SLC39A4: variants seen among roughly 807,000 people sequenced by gnomAD.
SLC39A4 encodes solute carrier family 39 member 4.
In SLC39A4, 49 loss-of-function variants were observed where a neutral mutation model predicts 56.6. The observed-to-expected ratio is 0.87, with a 90% confidence interval of 0.69 to 1.10. SLC39A4 has a LOEUF of 1.10. Ranked by LOEUF, SLC39A4 falls within the 50% of genes least tolerant of loss-of-function variation. SLC39A4 has a pLI of 0.00. For missense variants in SLC39A4, 993 were observed against 864.2 expected (o/e 1.15, Z -1.87); for synonymous variants, 540 against 420.4 (o/e 1.28, Z -3.48).
In SLC39A4 at chr8:144,413,306, C is replaced by T; in HGVS notation, c.1558G>A (p.Ala520Thr). 1.2e-6 allele frequency: 2 copies of T among 1,603,092 alleles called. No homozygotes were observed. Among genetic ancestry groups the T allele is most frequent in the Non-Finnish European group, 8.5e-7 (1 of 1,178,400 alleles). Residue 520 changes from alanine to threonine, a missense_variant, in exon 10 of 12, where the codon GCG becomes ACG. Ala to Thr is a moderately conservative substitution (Grantham distance 58). Coordinates refer to ENST00000301305, the MANE Select transcript of SLC39A4 (RefSeq NM_130849.4). ...ADGLAVGAAF[A>T]SSWKTGLATS... ...GCCAGCCCGGTCTTCCAGGAGGACG[C>T]GAAGGCGGCGCCCACGGCCAGCCCG...
In SLC39A4 at chr8:144,414,709, C is replaced by T. The variant is rs201427313; in HGVS notation, c.976+16G>A. The stretch of plus-strand genomic sequence containing the variant: ...CACCTCTGTGCTGCCAGCACAATGT[C>T]GGCGTGGGCACTCACTCTCTGACTG... On this transcript the variant is annotated intron_variant, in intron 5 of 11. Coordinates refer to ENST00000301305, the MANE Select transcript of SLC39A4 (RefSeq NM_130849.4). 329 of 1,611,580 alleles carry T rather than the reference C, an allele frequency of 2.0e-4. No individual in the cohort carries two copies. The highest frequency in any genetic ancestry group is 5.0e-4 in the Admixed American group (30 of 59,952).
Position 144,414,107 on chromosome 8 carries a change from G to A in SLC39A4, c.1150-12C>T. The A allele has an allele frequency of 1.9e-6, 3 of 1,555,062 alleles. No homozygotes were observed. Among genetic ancestry groups the A allele is most frequent in the Non-Finnish European group, 1.7e-6 (2 of 1,149,780 alleles). ...TGCAGCCCCAGCACCTGGGGAGTAG[G>A]GGCGCTGGGCTGGGGGGGAGGTCCC... is the stretch of plus-strand genomic sequence containing the variant. On this transcript the variant is annotated splice_polypyrimidine_tract_variant and intron_variant, in intron 6 of 11. Transcript: ENST00000301305.
chr8:144,415,233 G>C lies in SLC39A4; in HGVS notation c.661C>G (p.Leu221Val). ...AGCCCAGCCCAGGCCTCACCGGCCA[G>C]CGTCATAGGGACCTCGCTGCTGTGC... ...QQHSSEVPMT[L>V]AELSALMQRL... The change falls in exon 3 of 12, where the codon CTG (leucine) becomes GTG (valine). Residue 221 changes from leucine (L) to valine (V), a missense_variant. Leu to Val is a conservative substitution (Grantham distance 32). Transcript: ENST00000301305. 6.2e-7 allele frequency: 1 copy of C among 1,613,020 alleles called. No homozygotes were observed. Among genetic ancestry groups the C allele is most frequent in the East Asian group, 2.2e-5 (1 of 44,880 alleles).
rs781936427 is a variant in SLC39A4, at chr8:144,416,712, A to T, written c.78T>A (p.Ala26=). 2.5e-6 allele frequency: 4 copies of T among 1,612,710 alleles called. No homozygotes were observed. The highest frequency in any genetic ancestry group is 3.4e-6 in the Non-Finnish European group (4 of 1,179,814). ...CAGAGGTGAGCAGGCTCAGCAGACC[A>T]GCAGGCGGGGACGCCGTCGCCGTCA... The part of the protein sequence containing the change: ...LVVTATASPP[A]GLLSLLTSGQ... The change falls in exon 1 of 12, where the codon GCT becomes GCA. Residue 26 remains alanine, a synonymous_variant. Transcript: ENST00000301305.
intron 1 of SLC39A4, chr8:144,416,324 C>T (rs1822196519): frequency 6.8e-7 from 1 of 1,481,278 alleles, no homozygotes; most frequent in Non-Finnish European, 8.9e-7. Flanking sequence ...AGGGGACTCC[C>T]CTGGAGCCAC....
Position 144,414,079 on chromosome 8 carries a change from G to A in SLC39A4, c.1166C>T (p.Thr389Ile). ...HLTPKVLGLHTHSEEGLSPQP... is the reference protein window; with the variant it reads ...HLTPKVLGLHIHSEEGLSPQP... ...TGGGCTGAGGCCCTCTTCGCTGTGT[G>A]TATGCAGCCCCAGCACCTGGGGAGT... The change falls in exon 7 of 12, where the codon ACA becomes ATA. Residue 389 changes from threonine (T) to isoleucine (I), a missense_variant. By Grantham distance (89) the Thr-to-Ile change is moderately conservative (BLOSUM62 -1). Coordinates refer to ENST00000301305, the MANE Select transcript of SLC39A4 (RefSeq NM_130849.4). The A allele has an allele frequency of 6.4e-7, 1 of 1,559,748 alleles. No individual in the cohort carries two copies. Among genetic ancestry groups the A allele is most frequent in the Non-Finnish European group, 8.7e-7 (1 of 1,152,136 alleles).
rs1304948365 is a variant in SLC39A4, at chr8:144,415,021, G to C, written c.757C>G (p.Pro253Ala). 6.2e-6 allele frequency: 10 copies of C among 1,611,802 alleles called. No homozygotes were observed. Among genetic ancestry groups the C allele is most frequent in the African/African-American group, 1.3e-5 (1 of 75,026 alleles). Reference sequence around the variant, plus strand: ...TTGCTGGAGCTGATGAGGGGCACAGGGTCCCGGCTGCTGGCTCCCCTGTGC... The same window carrying C: ...TTGCTGGAGCTGATGAGGGGCACAGCGTCCCGGCTGCTGGCTCCCCTGTGC... ...HRHRGASSRD[P>A]VPLISSSNSS... Residue 253 changes from proline (P) to alanine (A), a missense_variant, in exon 4 of 12, where the codon CCT (proline) becomes GCT (alanine). Pro to Ala is a conservative substitution (Grantham distance 27). Transcript: ENST00000301305.
Position 144,414,342 on chromosome 8 carries a change from T to C in SLC39A4, c.1069A>G (p.Thr357Ala), listed in dbSNP as rs2272662. The C allele has an allele frequency of 0.54, 867,688 of 1,593,756 alleles. 244,503 individuals carry two copies. Among genetic ancestry groups the C allele is most frequent in the Non-Finnish European group, 0.58 (678,349 of 1,171,962 alleles). The change falls in exon 6 of 12, where the codon ACC becomes GCC. Residue 357 changes from threonine to alanine, a missense_variant. Physicochemically the swap from Thr to Ala is moderately conservative, Grantham distance 58 (BLOSUM62 0). Coordinates refer to ENST00000301305, the MANE Select transcript of SLC39A4 (RefSeq NM_130849.4). ...LLTCTGCRGV[T>A]HYILQTFLSL... ...AGGAAGGTCTGCAGGATGTAGTGGG[T>C]GACCCCCCTGCAGCCAGTGCAGGTC... is the stretch of plus-strand genomic sequence containing the variant.
intron 1 of SLC39A4, 165 bp from the exon 2 acceptor site, chr8:144,416,256 G>C: frequency 6.4e-7 from 1 of 1,562,340 alleles, no homozygotes; most frequent in Non-Finnish European, 8.6e-7. Flanking sequence ...CCCCTGTCCT[G>C]CTTCCCCAAC....
chr8:144,413,086 C>A (rs1361111788), intron 10 of SLC39A4, 140 bp from the exon 11 acceptor site: 23 of 1,456,908 alleles, frequency 1.6e-5, no homozygotes, highest in Non-Finnish European at 2.1e-5. Flanking sequence ...CCGCCCATCA[C>A]CTTCCAGGCC....
chr8:144,413,167 C>A, intron 10 of SLC39A4, 70 bp downstream of exon 10: 1 of 1,483,452 alleles, frequency 6.7e-7, no homozygotes, highest in Non-Finnish European at 9.0e-7. Flanking sequence ...CCCCGCCCAC[C>A]TGTTCCAGGT....
In SLC39A4 at chr8:144,416,716, G is replaced by C; in HGVS notation, c.74C>G (p.Pro25Arg). 1.9e-6 allele frequency: 3 copies of C among 1,612,650 alleles called. No individual in the cohort carries two copies. Among genetic ancestry groups the C allele is most frequent in the Non-Finnish European group, 2.5e-6 (3 of 1,179,820 alleles). ...GGTGAGCAGGCTCAGCAGACCAGCAGGCGGGGACGCCGTCGCCGTCACCAC... is the reference window on the plus strand; with the variant it reads ...GGTGAGCAGGCTCAGCAGACCAGCACGCGGGGACGCCGTCGCCGTCACCAC... ...VLVVTATASP[P>R]AGLLSLLTSG... The change falls in exon 1 of 12, where the codon CCT becomes CGT. Residue 25 changes from proline (P) to arginine (R), a missense_variant. Pro to Arg is a moderately radical substitution (Grantham distance 103). Transcript: ENST00000301305.
Position 144,413,551 on chromosome 8 carries a change from G to C in SLC39A4, c.1436C>G (p.Pro479Arg), listed in dbSNP as rs1554872457. The C allele has an allele frequency of 6.4e-7, 1 of 1,554,656 alleles. No homozygotes were observed. Residue 479 changes from proline to arginine, a missense_variant, in exon 9 of 12, where the codon CCG becomes CGG. Transcript: ENST00000301305. Reference protein sequence around the residue: ...SRADLVAEESPELLNPEPRRL... With the variant: ...SRADLVAEESRELLNPEPRRL... ...CCTGGGCTCAGGGTTCAGCAGCTCCGGGCTCTCCTCCGCCACCTGGGAGGA... is the reference window on the plus strand; with the variant it reads ...CCTGGGCTCAGGGTTCAGCAGCTCCCGGCTCTCCTCCGCCACCTGGGAGGA...
chr8:144,413,268 G>A lies in SLC39A4; in HGVS notation c.1596C>T (p.Ala532=), dbSNP rs781881930. The part of the protein sequence containing the change: ...SWKTGLATSL[A]VFCHELPHEL... Reference sequence around the variant, plus strand: ...CGTGTGGCAACTCGTGGCAGAACACGGCCAGCGAGGTGGCCAGCCCGGTCT... The same window carrying A: ...CGTGTGGCAACTCGTGGCAGAACACAGCCAGCGAGGTGGCCAGCCCGGTCT... The change falls in exon 10 of 12, where the codon GCC becomes GCT. Residue 532 remains alanine, a synonymous_variant. Coordinates refer to ENST00000301305, the MANE Select transcript of SLC39A4 (RefSeq NM_130849.4). 1 of 1,593,014 alleles carries A rather than the reference G, an allele frequency of 6.3e-7. No homozygotes were observed. The highest frequency in any genetic ancestry group is 8.5e-7 in the Non-Finnish European group (1 of 1,174,166).
Position 144,416,694 on chromosome 8 carries a change from G to T in SLC39A4, c.96C>A (p.Leu32=), listed in dbSNP as rs782383849. ...GATCCAGAGCGCCCTGGCCAGAGGT[G>T]AGCAGGCTCAGCAGACCAGCAGGCG... ...ASPPAGLLSL[L]TSGQGALDQE... The change falls in exon 1 of 12, where the codon CTC becomes CTA. Residue 32 remains leucine, a synonymous_variant. Transcript: ENST00000301305. 3.1e-6 allele frequency: 5 copies of T among 1,612,338 alleles called. No homozygotes were observed. The highest frequency in any genetic ancestry group is 2.5e-6 in the Non-Finnish European group (3 of 1,179,732).
chr8:144,413,096 C>T lies in SLC39A4; in HGVS notation c.1627+141G>A, dbSNP rs1821960541. 2.4e-5 allele frequency: 35 copies of T among 1,483,670 alleles called. No individual in the cohort carries two copies. The South Asian group carries it at 4.3e-4, about 18-fold the overall frequency. 91.9% of individuals were successfully genotyped at this position (1,483,670 alleles called of 1,614,324 possible). On this transcript the variant is annotated intron_variant, in intron 10 of 11. Transcript: ENST00000301305. ...AGATCCCGCCCATCACCTTCCAGGCCCCGCCCCACCTGTTTCCGGTCTCCC... is the reference window on the plus strand; with the variant it reads ...AGATCCCGCCCATCACCTTCCAGGCTCCGCCCCACCTGTTTCCGGTCTCCC...
Position 144,415,803 on chromosome 8 carries a change from C to T in SLC39A4, c.474+7G>A, listed in dbSNP as rs1554873774. On this transcript the variant is annotated splice_region_variant and intron_variant, in intron 2 of 11. Transcript: ENST00000301305. Reference sequence around the variant, plus strand: ...CACTCCCCTGGTCTGCCTGGACTCTCCCTCACCATCTTGGGGGTCTGGCCG... The same window carrying T: ...CACTCCCCTGGTCTGCCTGGACTCTTCCTCACCATCTTGGGGGTCTGGCCG... 1 of 1,592,890 alleles carries T rather than the reference C, an allele frequency of 6.3e-7. No individual in the cohort carries two copies. The highest frequency in any genetic ancestry group is 8.5e-7 in the Non-Finnish European group (1 of 1,175,388).
Position 144,414,332 on chromosome 8 carries a change from A to G in SLC39A4, c.1079T>C (p.Ile360Thr). The G allele has an allele frequency of 1.9e-6, 3 of 1,599,950 alleles. No homozygotes were observed. Among genetic ancestry groups the G allele is most frequent in the Non-Finnish European group, 2.6e-6 (3 of 1,174,938 alleles). ...CTGCRGVTHY[I>T]LQTFLSLAVG... The stretch of plus-strand genomic sequence containing the variant: ...TGCCAGGCTCAGGAAGGTCTGCAGG[A>G]TGTAGTGGGTGACCCCCCTGCAGCC... The change falls in exon 6 of 12, where the codon ATC becomes ACC. Residue 360 changes from isoleucine to threonine, a missense_variant. Physicochemically the swap from Ile to Thr is moderately conservative, Grantham distance 89. Coordinates refer to ENST00000301305, the MANE Select transcript of SLC39A4 (RefSeq NM_130849.4).
intron 1 of SLC39A4, chr8:144,416,340 A>G: frequency 6.8e-7 from 1 of 1,468,050 alleles, no homozygotes. Flanking sequence ...GCCACTGCCA[A>G]TTTGATGGCA....
Sources: allele counts gnomAD v4.1 joint callset, GRCh38; gene constraint gnomAD v4.1.1; transcripts MANE v1.5; gene names NCBI Gene and HGNC (gene_info 2026-07-23, HGNC 2026-07-21).